The following PTPN12 variants were observed in gnomAD, a reference collection of about 807,000 sequenced individuals.
PTPN12 encodes protein tyrosine phosphatase non-receptor type 12.
Under a neutral mutation model 97.6 loss-of-function variants are expected in PTPN12, and 29 were observed. The ratio of observed to expected loss-of-function variants is 0.30; its 90% CI spans 0.22 to 0.41. The LOEUF (loss-of-function observed/expected upper bound fraction) is 0.41, where lower values mean the gene tolerates loss of function less well. PTPN12 is among the 10% of genes least tolerant of loss of function. The pLI is 1.00. For missense variants in PTPN12, 819 were observed against 926.0 expected, an observed-to-expected ratio of 0.88 and a Z score of 1.50; for synonymous variants, 327 against 300.4, an observed-to-expected ratio of 1.09 and a Z score of -0.91.
chr7:77,550,352 G>T (rs1292475286), intron 1 of PTPN12, among the ~76,000 whole-genome samples: 1 of 151,720 alleles, frequency 6.6e-6, no homozygotes, highest in Non-Finnish European at 1.5e-5. Context: ...ATGGAAAAAT[G>T]GAATTAAGTA....
chr7:77,630,524 T>C (rs1789363059), intron 13 of PTPN12, among the ~76,000 whole-genome samples: 1 of 152,208 alleles, frequency 6.6e-6, no homozygotes, highest in South Asian at 2.1e-4. Flanking sequence ...TACTCAACAA[T>C]TGTAACACAA....
chr7:77,537,481 C>CG lies in PTPN12; in HGVS notation c.-63dup. Reference sequence around the variant, plus strand: ...GGGGAACGAGCTGGGGAAGACGGAGCGGGCTCTGTGCCGGGCGGGCGGGCG... The same window carrying CG: ...GGGGAACGAGCTGGGGAAGACGGAGCGGGGCTCTGTGCCGGGCGGGCGGGCG... On this transcript the variant is annotated 5_prime_UTR_variant, in exon 1 of 18. Transcript: ENST00000248594. 1 of 944,652 alleles carries CG rather than the reference C, an allele frequency of 1.1e-6. No homozygotes were observed. Among genetic ancestry groups the CG allele is most frequent in the Non-Finnish European group, 1.4e-6 (1 of 720,874 alleles). 58.5% of individuals were successfully genotyped at this position (944,652 alleles called of 1,614,324 possible).
chr7:77,625,472 G>GCTCGCGCTCT, intron 12 of PTPN12, among the ~76,000 whole-genome samples: 372 of 33,486 alleles, frequency 0.011, 56 homozygotes, highest in East Asian at 0.055. Flanking sequence ...CAGGCTGCTC[G>GCTCGCGCTCT]CTCTCTCTCT....
At chr7:77,569,456 T>G (rs1371505613) in intron 1 of PTPN12, among the ~76,000 whole-genome samples, 1 of 152,174 alleles carries the variant, frequency 6.6e-6, no homozygotes, top group Non-Finnish European at 1.5e-5. Flanking sequence ...TTTCTTTGAT[T>G]GTAGTTTTTT....
In PTPN12 at chr7:77,597,879, C is replaced by T; in HGVS notation, c.530C>T (p.Thr177Ile). ...GCAAGAACAGACTACTTCATCAGGA[C>T]ACTCTTACTTGAATTTCAAAATGTA... is the stretch of plus-strand genomic sequence containing the variant. ...EQARTDYFIR[T>I]LLLEFQNESR... Residue 177 changes from threonine to isoleucine, a missense_variant, in exon 7 of 18, where the codon ACA becomes ATA. By Grantham distance (89) the Thr-to-Ile change is moderately conservative (BLOSUM62 -1). Around this residue, in one of 5 missense-constraint regions of PTPN12, gnomAD observed 45 missense variants for 52.0 expected, o/e 0.87. Transcript: ENST00000248594. 12 of 1,612,488 alleles carry T rather than the reference C, an allele frequency of 7.4e-6. No individual in the cohort carries two copies. Among genetic ancestry groups the T allele is most frequent in the Non-Finnish European group, 1.0e-5 (12 of 1,179,376 alleles).
At chr7:77,577,375 C>T (rs943787847) in intron 2 of PTPN12, among the ~76,000 whole-genome samples, 1 of 152,128 alleles carries the variant, frequency 6.6e-6, no homozygotes, top group East Asian at 1.9e-4. Flanking sequence ...TTAGAGGAAA[C>T]GTTCATTCCA....
chr7:77,549,886 A>T (rs1420643078), intron 1 of PTPN12, among the ~76,000 whole-genome samples: 2 of 152,108 alleles, frequency 1.3e-5, no homozygotes, highest in Non-Finnish European at 2.9e-5. Flanking sequence ...GGCCCTAAGG[A>T]TCACTTTTAT....
intron 8 of PTPN12, among the ~76,000 whole-genome samples, chr7:77,603,964 C>A (rs1473632828): frequency 6.9e-6 from 1 of 144,394 alleles, no homozygotes; most frequent in Non-Finnish European, 1.5e-5. Flanking sequence ...TCTCAGCTCA[C>A]TGCAACCTCT....
At position 77,617,088 on chromosome 7, in the gene PTPN12, G is replaced by A. The variant is rs79070196; in HGVS notation, c.940-1392G>A. On this transcript the variant is annotated intron_variant, in intron 11 of 17. Coordinates refer to ENST00000248594, the MANE Select transcript of PTPN12 (RefSeq NM_002835.4). ...GTGAGCCACTGCGCCCAGCCTAGGG[G>A]GTACCTTTTTGATGCAGAGTCTCTA... 7.5e-3 allele frequency among the ~76,000 whole-genome samples: 1,140 copies of A among 152,154 alleles called. 41 individuals carry two copies. Among genetic ancestry groups the A allele is most frequent in the Admixed American group, 0.053 (804 of 15,286 alleles).
At chr7:77,579,653 A>G (rs796400975) in intron 2 of PTPN12, among the ~76,000 whole-genome samples, 26 of 152,324 alleles carry the variant, frequency 1.7e-4, no homozygotes, top group African/African-American at 5.8e-4. Flanking sequence ...ATTAGTTCTA[A>G]ATAAAAAGTT....
At chr7:77,621,068 AT>A (rs869143932) in intron 12 of PTPN12, among the ~76,000 whole-genome samples, 26 of 151,818 alleles carry the variant, frequency 1.7e-4, no homozygotes, top group African/African-American at 1.9e-4. Context: ...ATATATATAT[AT>A]AAAAATATGT....
At chr7:77,587,386 T>A (rs528067506) in intron 5 of PTPN12, among the ~76,000 whole-genome samples, 1 of 81,592 alleles carries the variant, frequency 1.2e-5, no homozygotes, top group East Asian at 2.8e-4. Context: ...TTGAAAGGAA[T>A]TTTTTTTTCC....
At chr7:77,609,820 G>A (rs1356817611) in intron 9 of PTPN12, among the ~76,000 whole-genome samples, 2 of 151,426 alleles carry the variant, frequency 1.3e-5, no homozygotes, top group Non-Finnish European at 2.9e-5. Context: ...GGCGGAGCTT[G>A]CAGTGAGCGG....
At chr7:77,637,117 G>A (rs1488603811) in intron 16 of PTPN12, 69 bp downstream of exon 16, 4 of 1,246,730 alleles carry the variant, frequency 3.2e-6, no homozygotes, top group Non-Finnish European at 4.6e-6. Flanking sequence ...AAAATAACAT[G>A]CTTCATAGTT....
At chr7:77,584,004 A>G (rs1360673465) in intron 4 of PTPN12, among the ~76,000 whole-genome samples, 6 of 152,234 alleles carry the variant, frequency 3.9e-5, no homozygotes, top group African/African-American at 1.4e-4. Context: ...TCAGGAAAAT[A>G]TATATAAACA....
intron 1 of PTPN12, among the ~76,000 whole-genome samples, chr7:77,564,746 G>GGTTTTTTTTTTTTTTTTTT (rs1808162192): frequency 6.6e-5 from 3 of 45,402 alleles, no homozygotes; most frequent in African/African-American, 2.7e-4. Flanking sequence ...TTGTTGTCGT[G>GGTTTTTTTTTTTTTTTTTT]TTTTTTTTTT....
intron 12 of PTPN12, among the ~76,000 whole-genome samples, chr7:77,625,468 GCTCGCTCTCTCTCTCTCT>G (rs1447634143): frequency 8.1e-5 from 2 of 24,752 alleles, no homozygotes; most frequent in African/African-American, 4.9e-4. Flanking sequence ...TGCCCAGGCT[GCTCGCTCTCTCTCTCTCT>G]CTCTCTCTCT....
chr7:77,604,845 G>C (rs1256152731), intron 8 of PTPN12: 1 of 426,294 alleles, frequency 2.3e-6, no homozygotes, highest in South Asian at 1.7e-5. Context: ...TAAGGTATGT[G>C]ATCAGAATTT....
chr7:77,625,471 C>CTCTCTCTCTCT (rs1789107919), intron 12 of PTPN12, among the ~76,000 whole-genome samples: 1 of 56,194 alleles, frequency 1.8e-5, no homozygotes, highest in African/African-American at 8.9e-5. Context: ...CCAGGCTGCT[C>CTCTCTCTCTCT]GCTCTCTCTC....
Sources: allele counts gnomAD v4.1 joint callset (sites outside exome capture counted in the v4.1 genomes callset), GRCh38; gene constraint gnomAD v4.1.1; regional missense constraint gnomAD v4.1.1; transcripts MANE v1.5; gene names NCBI Gene and HGNC (gene_info 2026-07-23, HGNC 2026-07-21).